The following MPP7 variants were observed in gnomAD, a reference collection of about 807,000 sequenced individuals.
MPP7 encodes MAGUK p55 subfamily member 7.
MPP7 carries 60 observed loss-of-function variants against 76.5 expected under a neutral mutation model. The observed-to-expected ratio is 0.78, with a 90% CI of 0.64 to 0.97. MPP7 has a LOEUF of 0.97. Among genes scored for constraint, MPP7 ranks in the 50% least tolerant of loss-of-function variants. The pLI, the probability that MPP7 is intolerant of heterozygous loss-of-function variation, is 0.00. For synonymous variants in MPP7, 237 were observed against 244.5 expected (o/e 0.97, Z 0.29); for missense variants, 641 against 694.0 (o/e 0.92, Z 0.86).
chr10:28,284,497 C>T (rs191945900), intron 1 of MPP7, among the ~76,000 whole-genome samples: 1 of 152,298 alleles, frequency 6.6e-6, no homozygotes, highest in African/African-American at 2.4e-5. Flanking sequence ...AAGTTGCCTT[C>T]CCTTCCTTTC....
At chr10:28,282,230 G>T (rs1212319113) in intron 1 of MPP7, 1 of 152,002 alleles carries the variant, frequency 6.6e-6, no homozygotes, top group Non-Finnish European at 1.5e-5. Context: ...TCAGTATATT[G>T]TCTCTTTTCC....
chr10:28,320,915 T>C (rs937690197), intron 2 of MPP7, among the ~76,000 whole-genome samples: 4 of 151,552 alleles, frequency 2.6e-5, no homozygotes, highest in African/African-American at 9.8e-5. Context: ...TTCTTAACTG[T>C]AACAGTGAGG....
chr10:28,235,046 G>A (rs1481010541), intron 2 of MPP7, among the ~76,000 whole-genome samples: 1 of 152,188 alleles, frequency 6.6e-6, no homozygotes, highest in Non-Finnish European at 1.5e-5. Flanking sequence ...CTGGACTCAA[G>A]AGATCCACCC....
At chr10:28,246,701 T>C (rs774602943) in intron 1 of MPP7, among the ~76,000 whole-genome samples, 12 of 152,092 alleles carry the variant, frequency 7.9e-5, no homozygotes, top group Non-Finnish European at 1.8e-4. Flanking sequence ...CAAACGCTTT[T>C]AAAGCATCAG....
At chr10:28,111,304 CAAAT>C (rs879144650) in intron 11 of MPP7, among the ~76,000 whole-genome samples, 6 of 152,174 alleles carry the variant, frequency 3.9e-5, no homozygotes, top group African/African-American at 7.2e-5. Flanking sequence ...TATCAGTCAA[CAAAT>C]AAATAGAATT....
At chr10:28,265,236 A>G (rs1840111017) in intron 1 of MPP7, among the ~76,000 whole-genome samples, 1 of 152,234 alleles carries the variant, frequency 6.6e-6, no homozygotes, top group Non-Finnish European at 1.5e-5. Flanking sequence ...AATGTTTAAA[A>G]GAACAGAATT....
chr10:28,202,570 C>T lies in MPP7; in HGVS notation c.38-299G>A, dbSNP rs142024424. Among the ~76,000 whole-genome samples, 52 of 152,170 alleles carry T rather than the reference C, an allele frequency of 3.4e-4. 1 individual carries two copies. The highest frequency in any genetic ancestry group is 9.2e-4 in the African/African-American group (38 of 41,520). On this transcript the variant is annotated intron_variant, in intron 2 of 16. Transcript: ENST00000683449. ...ACAGGTTTTCAGAAAAAGAAGAAAA[C>T]GCATACATTCCTTTCCTTAATCATT... is the stretch of plus-strand genomic sequence containing the variant.
intron 1 of MPP7, 140 bp from the exon 2 acceptor site, chr10:28,238,875 G>C (rs748273922): frequency 1.3e-5 from 6 of 446,514 alleles, no homozygotes; most frequent in Non-Finnish European, 2.4e-5. Context: ...CAGACCACAT[G>C]CAAGTACAAA....
At chr10:28,103,827 T>C (rs1367902200) in intron 11 of MPP7, among the ~76,000 whole-genome samples, 1 of 152,018 alleles carries the variant, frequency 6.6e-6, no homozygotes, top group Non-Finnish European at 1.5e-5. Context: ...AGAGCTAAGG[T>C]GGTTCTCTCT....
intron 2 of MPP7, among the ~76,000 whole-genome samples, chr10:28,237,714 G>A (rs12253728): frequency 0.021 from 3,143 of 152,216 alleles, 116 homozygotes; most frequent in African/African-American, 0.069. Context: ...AATTCAGGAT[G>A]GCCCATATAA....
intron 3 of MPP7, among the ~76,000 whole-genome samples, chr10:28,181,709 A>G (rs1028180784): frequency 2.0e-5 from 3 of 152,240 alleles, no homozygotes; most frequent in African/African-American, 7.2e-5. Flanking sequence ...CAAAAAAAAC[A>G]CTATACACAG....
At chr10:28,125,579 C>T (rs1398276993) in intron 6 of MPP7, among the ~76,000 whole-genome samples, 1 of 151,390 alleles carries the variant, frequency 6.6e-6, no homozygotes, top group Non-Finnish European at 1.5e-5. Flanking sequence ...CTTCTATCAC[C>T]CTCAGTTATC....
rs77882312 is a variant in MPP7, at chr10:28,236,627, T to G, written c.37+1941A>C. 452 of 146,044 alleles carry G rather than the reference T, an allele frequency of 3.1e-3. 3 individuals carry two copies. Among genetic ancestry groups the G allele is most frequent in the African/African-American group, 0.01 (423 of 40,424 alleles). The allele number at this position is 146,044 out of a possible 1,614,324, so 9.0% of individuals were successfully genotyped here. ...TTTTATGTATTACTTGTATAATTAG[T>G]TTTTTTTTTCTTCGTGAAATAAGCA... On this transcript the variant is annotated intron_variant, in intron 2 of 16. Coordinates refer to ENST00000683449, the MANE Select transcript of MPP7 (RefSeq NM_001318170.2).
In MPP7 at chr10:28,071,996, T is replaced by C. The variant is rs539790276; in HGVS notation, c.1124-2144A>G. Among the ~76,000 whole-genome samples, 58 of 152,168 alleles carry C rather than the reference T, an allele frequency of 3.8e-4. No homozygotes were observed. In the South Asian group the frequency reaches 8.1e-3, roughly 21 times the overall value. On this transcript the variant is annotated intron_variant, in intron 12 of 16. Coordinates refer to ENST00000683449, the MANE Select transcript of MPP7 (RefSeq NM_001318170.2). ...TTACCCAAGAGTAGTATATGGGGCC[T>C]GGCGCGGTGGCTCACACATATAATC...
At chr10:28,237,401 TA>T (rs1364913629) in intron 2 of MPP7, among the ~76,000 whole-genome samples, 1 of 152,080 alleles carries the variant, frequency 6.6e-6, no homozygotes, top group African/African-American at 2.4e-5. Flanking sequence ...AGAAAAGCTT[TA>T]CATAATCTAA....
chr10:28,229,289 T>C (rs1838798768), intron 2 of MPP7, among the ~76,000 whole-genome samples: 1 of 152,216 alleles, frequency 6.6e-6, no homozygotes, highest in Non-Finnish European at 1.5e-5. Context: ...GACTTTTAAA[T>C]AGCCACTTTG....
At chr10:28,114,268 T>TG (rs1176811908) in intron 11 of MPP7, among the ~76,000 whole-genome samples, 1 of 151,926 alleles carries the variant, frequency 6.6e-6, no homozygotes, top group Admixed American at 6.6e-5. Flanking sequence ...AAAAATTAGC[T>TG]GGGGGTGGTG....
At chr10:28,286,203 A>C (rs1840787127) in intron 1 of MPP7, among the ~76,000 whole-genome samples, 3 of 151,864 alleles carry the variant, frequency 2.0e-5, no homozygotes, top group Non-Finnish European at 4.4e-5. Context: ...AAAATTAGCC[A>C]GGCATGGTGG....
At chr10:28,231,946 A>T (rs1838899254) in intron 2 of MPP7, among the ~76,000 whole-genome samples, 1 of 152,214 alleles carries the variant, frequency 6.6e-6, no homozygotes, top group Non-Finnish European at 1.5e-5. Flanking sequence ...TCATCAACAT[A>T]GATCTCAAAA....
Sources: allele counts gnomAD v4.1 joint callset (sites outside exome capture counted in the v4.1 genomes callset), GRCh38; gene constraint gnomAD v4.1.1; transcripts MANE v1.5; gene names NCBI Gene and HGNC (gene_info 2026-07-23, HGNC 2026-07-21).